CHEK1: variants seen among roughly 807,000 people sequenced by gnomAD.
CHEK1 encodes the protein checkpoint kinase 1, also known as serine/threonine-protein kinase Chk1.
Under a neutral mutation model 60.2 loss-of-function variants are expected in CHEK1, and 32 were observed. The ratio of observed to expected loss-of-function variants is 0.53; its 90% confidence interval spans 0.40 to 0.71. CHEK1 has a LOEUF of 0.71. CHEK1 is among the 30% of genes least tolerant of loss of function. The pLI is 0.00. For missense variants in CHEK1, 399 were observed against 564.6 expected (o/e 0.71, Z 2.97); for synonymous variants, 179 against 187.2 (o/e 0.96, Z 0.36).
downstream of CHEK1, chr11:125,680,653 C>T: frequency 2.9e-6 from 4 of 1,364,218 alleles, no homozygotes; most frequent in Admixed American, 3.9e-5. Context: ...AGAGACTGGT[C>T]TTCCTTCTTC....
At chr11:125,679,908 T>G (rs1420841511), downstream of CHEK1, among the ~76,000 whole-genome samples, 4 of 152,228 alleles carry the variant, frequency 2.6e-5, no homozygotes, top group Non-Finnish European at 4.4e-5. Flanking sequence ...TACTATCTAC[T>G]TGACTGGTTT....
intron 11 of CHEK1, among the ~76,000 whole-genome samples, chr11:125,647,376 T>C (rs1163189723): frequency 6.6e-6 from 1 of 152,140 alleles, no homozygotes; most frequent in Non-Finnish European, 1.5e-5. Flanking sequence ...TCAATTCTTT[T>C]ATTTCATGGA....
At chr11:125,641,277 C>T (rs1591405456) in intron 8 of CHEK1, among the ~76,000 whole-genome samples, 1 of 152,054 alleles carries the variant, frequency 6.6e-6, no homozygotes, top group East Asian at 1.9e-4. Flanking sequence ...CCAGGCGTTA[C>T]ACTCTTCTGA....
chr11:125,639,883 C>T (rs947200025), intron 8 of CHEK1, among the ~76,000 whole-genome samples: 18 of 152,190 alleles, frequency 1.2e-4, no homozygotes, highest in African/African-American at 4.1e-4. Flanking sequence ...CTCTTACCCA[C>T]TCAATGACTT....
chr11:125,663,369 G>A (rs929699341), intron 13 of CHEK1, among the ~76,000 whole-genome samples: 7 of 151,976 alleles, frequency 4.6e-5, no homozygotes, highest in Non-Finnish European at 7.4e-5. Flanking sequence ...ATTAATTTTC[G>A]TATAGGTGTG....
At chr11:125,680,739 TC>T (rs1256282024), downstream of CHEK1, 4 of 1,613,666 alleles carry the variant, frequency 2.5e-6, no homozygotes, top group Middle Eastern at 1.7e-4. Context: ...CTCTGGCAGA[TC>T]CAAGCAGATA....
chr11:125,631,843 C>T (rs1940872921), intron 5 of CHEK1, among the ~76,000 whole-genome samples: 1 of 109,704 alleles, frequency 9.1e-6, no homozygotes, highest in African/African-American at 3.7e-5. Context: ...GTCTGGGCAG[C>T]AGAGTGAGAC....
chr11:125,641,215 T>G (rs928591299), intron 8 of CHEK1, among the ~76,000 whole-genome samples: 1 of 152,206 alleles, frequency 6.6e-6, no homozygotes, highest in African/African-American at 2.4e-5. Context: ...TCATCAATAT[T>G]TTATACAGTT....
downstream of CHEK1, among the ~76,000 whole-genome samples, chr11:125,678,935 T>C (rs1404772487): frequency 1.8e-5 from 2 of 112,030 alleles, no homozygotes; most frequent in Non-Finnish European, 3.7e-5. Context: ...GAGAGCAAAG[T>C]TGCTATAAGC....
At chr11:125,633,997 G>GTTTT (rs1940965971) in intron 6 of CHEK1, among the ~76,000 whole-genome samples, 1 of 34,316 alleles carries the variant, frequency 2.9e-5, no homozygotes, top group Non-Finnish European at 6.5e-5. Flanking sequence ...GCTCTATTGT[G>GTTTT]GTTTTTTTTT....
intron 13 of CHEK1, chr11:125,671,562 A>G (rs778524597): frequency 1.3e-5 from 2 of 152,200 alleles, no homozygotes; most frequent in African/African-American, 2.4e-5. Context: ...TTTTATATAC[A>G]GTAAAATTGA....
chr11:125,659,403 A>G (rs1443194056), downstream of CHEK1, among the ~76,000 whole-genome samples: 2 of 151,802 alleles, frequency 1.3e-5, no homozygotes, highest in East Asian at 1.9e-4. Context: ...TATTTTCTGC[A>G]TATCCTATAA....
chr11:125,640,313 G>A (rs1021586269), intron 8 of CHEK1, among the ~76,000 whole-genome samples: 4 of 151,936 alleles, frequency 2.6e-5, no homozygotes, highest in Admixed American at 6.6e-5. Flanking sequence ...AGGCCAAGGC[G>A]GGCGGATCAC....
intron 8 of CHEK1, chr11:125,642,942 T>C (rs918250167): frequency 6.6e-6 from 1 of 152,170 alleles, no homozygotes; most frequent in African/African-American, 2.4e-5. Flanking sequence ...GAAACAAATA[T>C]TATCTGGCAA....
intron 6 of CHEK1, 32 bp downstream of exon 6, chr11:125,633,383 A>G (rs779590992): frequency 4.0e-5 from 59 of 1,468,442 alleles, no homozygotes; most frequent in Non-Finnish European, 5.1e-5. Context: ...TAAAACTCCT[A>G]TAAAAAGTCA....
intron 13 of CHEK1, among the ~76,000 whole-genome samples, chr11:125,669,829 T>C (rs2134096218): frequency 6.6e-6 from 1 of 152,306 alleles, no homozygotes; most frequent in East Asian, 1.9e-4. Flanking sequence ...CGACCATGCC[T>C]AGGCATATTT....
intron 8 of CHEK1, among the ~76,000 whole-genome samples, chr11:125,642,283 A>G (rs1219646304): frequency 1.3e-5 from 2 of 152,216 alleles, no homozygotes; most frequent in African/African-American, 2.4e-5. Flanking sequence ...TCTTGTGGAC[A>G]TACGCAATCC....
At chr11:125,643,550 T>C in intron 8 of CHEK1, 1 of 424,502 alleles carries the variant, frequency 2.4e-6, no homozygotes, top group Non-Finnish European at 4.2e-6. Flanking sequence ...TGAACATGTC[T>C]ACAGATCATA....
chr11:125,627,724 G>A lies in CHEK1; in HGVS notation c.183G>A (p.Met61Ile), dbSNP rs1248538225. 2 of 1,613,688 alleles carry A rather than the reference G, an allele frequency of 1.2e-6. No individual in the cohort carries two copies. Among genetic ancestry groups the A allele is most frequent in the Non-Finnish European group, 1.7e-6 (2 of 1,179,738 alleles). ...NIKKEICINK[M>I]LNHENVVKFY... ...AGAAAGAGATCTGTATCAATAAAAT[G>A]CTAAATCATGAAAATGTAGTAAAAT... is the stretch of plus-strand genomic sequence containing the variant. The change falls in exon 3 of 13, where the codon ATG becomes ATA. Residue 61 changes from methionine to isoleucine, a missense_variant. Transcript: ENST00000438015.
Sources: gnomAD v4.1 joint callset for allele counts (sites outside exome capture counted in the v4.1 genomes callset) on GRCh38, gnomAD v4.1.1 for gene constraint, MANE v1.5 for transcripts, NCBI Gene and HGNC (gene_info 2026-07-23, HGNC 2026-07-21) for gene names.